The following NBPF15 variants were observed in gnomAD, a reference collection of about 807,000 sequenced individuals.
NBPF15 encodes NBPF member 15.
Under a neutral mutation model 62.2 loss-of-function variants are expected in NBPF15, and 74 were observed. The observed-to-expected ratio is 1.19, with a 90% CI of 0.99 to 1.44. The LOEUF is 1.44. Ranked by LOEUF, NBPF15 falls within the 40% of genes most tolerant of loss-of-function variation. The pLI is 0.00. For missense variants in NBPF15, 790 were observed against 550.0 expected (o/e 1.44, Z -4.36); for synonymous variants, 244 against 209.7 (o/e 1.16, Z -1.41).
chr1:144,434,327 C>A (rs1194985224), intron 12 of NBPF15, among the ~76,000 whole-genome samples: 15 of 139,312 alleles, frequency 1.1e-4, no homozygotes, highest in African/African-American at 3.4e-4. Flanking sequence ...ATGGGGAAAC[C>A]CTGTCTCTAC....
At chr1:144,458,109 C>T (rs1321764148) in intron 3 of NBPF15, among the ~76,000 whole-genome samples, 4 of 151,746 alleles carry the variant, frequency 2.6e-5, no homozygotes, top group Non-Finnish European at 5.9e-5. Flanking sequence ...AAAAATTGTT[C>T]GATGTAGTCC....
At chr1:144,439,509 A>T (rs1681260662) in intron 8 of NBPF15, among the ~76,000 whole-genome samples, 1 of 152,048 alleles carries the variant, frequency 6.6e-6, no homozygotes, top group African/African-American at 2.4e-5. Flanking sequence ...TGTCTGCAGG[A>T]TCTTATATGG....
chr1:144,436,142 C>G (rs1489912143), intron 10 of NBPF15, among the ~76,000 whole-genome samples: 3,515 of 152,136 alleles, frequency 0.023, 92 homozygotes, highest in Middle Eastern at 0.065. Context: ...TGGCAGCTGT[C>G]TCCCCCATCC....
intron 3 of NBPF15, among the ~76,000 whole-genome samples, chr1:144,457,166 A>T: frequency 6.6e-6 from 1 of 152,100 alleles, no homozygotes; most frequent in Admixed American, 6.5e-5. Context: ...AAAAAAAAAT[A>T]AAGAGTCCTG....
intron 12 of NBPF15, among the ~76,000 whole-genome samples, chr1:144,434,861 G>C (rs1182162779): frequency 6.6e-6 from 1 of 151,980 alleles, no homozygotes; most frequent in Non-Finnish European, 1.5e-5. Context: ...GACAGATATG[G>C]CCTGTGCACC....
chr1:144,428,083 T>C, intron 15 of NBPF15, 93 bp from the exon 16 acceptor site: 1 of 755,916 alleles, frequency 1.3e-6, no homozygotes, highest in South Asian at 1.4e-5. Flanking sequence ...AGGAAGAGTT[T>C]GAAAAGAAAA....
In NBPF15 at chr1:144,461,373, G is replaced by A. The variant is rs1171011374; in HGVS notation, c.-938+8C>T. On this transcript the variant is annotated splice_region_variant and intron_variant, in intron 1 of 21. Coordinates refer to ENST00000581897, the MANE Select transcript of NBPF15 (RefSeq NM_001385408.1). ...ACCCAGCTGTGTACCCGCGGGTCCC[G>A]GACTCACCGCCCGCCCGGCCTGGCG... 1.3e-5 allele frequency: 2 copies of A among 149,112 alleles called. No homozygotes were observed. The highest frequency in any genetic ancestry group is 3.0e-5 in the Non-Finnish European group (2 of 67,362). The allele number at this position is 149,112 out of a possible 1,614,324, so 9.2% of individuals were successfully genotyped here. A position where few individuals can be genotyped will look rare whatever the true frequency, so the allele number is the denominator to read the frequency against.
chr1:144,455,933 C>A (rs1190238195), intron 4 of NBPF15, among the ~76,000 whole-genome samples: 1 of 152,074 alleles, frequency 6.6e-6, no homozygotes, highest in Non-Finnish European at 1.5e-5. Context: ...AAGAATTCCA[C>A]TGTGGCCCAT....
chr1:144,452,531 C>G (rs1490516223), intron 4 of NBPF15, among the ~76,000 whole-genome samples: 4 of 151,482 alleles, frequency 2.6e-5, no homozygotes, highest in South Asian at 2.1e-4. Flanking sequence ...TGACTACAAA[C>G]AGGTTCAAGG....
At chr1:144,445,743 T>G (rs370228097) in intron 6 of NBPF15, among the ~76,000 whole-genome samples, 14 of 151,698 alleles carry the variant, frequency 9.2e-5, no homozygotes, top group South Asian at 4.2e-4. Flanking sequence ...ACAACTCTTC[T>G]GATCCATGAC....
At chr1:144,435,510 G>A (rs1211816568) in intron 11 of NBPF15, among the ~76,000 whole-genome samples, 194 bp from the exon 12 acceptor site, 141 of 151,768 alleles carry the variant, frequency 9.3e-4, no homozygotes, top group Non-Finnish European at 1.6e-3. Flanking sequence ...AACCAGAGAG[G>A]AAGAGAGCAG....
chr1:144,439,942 T>C lies in NBPF15; in HGVS notation c.62A>G (p.Asn21Ser), dbSNP rs1272951499. Residue 21 changes from asparagine (N) to serine (S), a missense_variant, in exon 8 of 22, where the codon AAT becomes AGT. Asn to Ser is a conservative substitution (Grantham distance 46, BLOSUM62 1). Coordinates refer to ENST00000581897, the MANE Select transcript of NBPF15 (RefSeq NM_001385408.1). The stretch of plus-strand genomic sequence containing the variant: ...TGCCAACTGGGGGCGCAATTTCTCA[T>C]TGATTTCTAGAATGTTCATCTCTGC... ...EKAEMNILEI[N>S]EKLRPQLAEK... is the part of the protein sequence containing the mutation. The C allele has an allele frequency of 3.7e-6, 6 of 1,611,070 alleles. No homozygotes were observed. The highest frequency in any genetic ancestry group is 2.2e-5 in the East Asian group (1 of 44,874).
chr1:144,434,657 G>A (rs1676890838), intron 12 of NBPF15, among the ~76,000 whole-genome samples: 1 of 151,450 alleles, frequency 6.6e-6, no homozygotes, highest in African/African-American at 2.4e-5. Context: ...GGGTGACTGT[G>A]CAGCTAAGCA....
In NBPF15 at chr1:144,456,636, C is replaced by T. The variant is rs1648070407; in HGVS notation, c.-531G>A. On this transcript the variant is annotated 5_prime_UTR_variant, in exon 4 of 22. In the 5' UTR this introduces an upstream ATG that the reference lacks. Transcript: ENST00000581897. ...CTACATCAGTACCTCGGAGAGTCCA[C>T]TGGAAGCCCTGGACAGTGGGAGTTG... 23 of 1,487,248 alleles carry T rather than the reference C, an allele frequency of 1.5e-5. No homozygotes were observed. The highest frequency in any genetic ancestry group is 2.1e-5 in the Non-Finnish European group (23 of 1,112,780). The allele number at this position is 1,487,248 out of a possible 1,614,324, so 92.1% of individuals were successfully genotyped here.
intron 16 of NBPF15, among the ~76,000 whole-genome samples, 183 bp from the exon 17 acceptor site, chr1:144,427,281 G>A (rs1300056559): frequency 7.0e-6 from 1 of 143,396 alleles, no homozygotes; most frequent in African/African-American, 2.7e-5. Flanking sequence ...TTTTGTCCCA[G>A]AAACTGTGGG....
intron 7 of NBPF15, 44 bp from the exon 8 acceptor site, chr1:144,440,082 G>A (rs1383045028): frequency 3.2e-6 from 5 of 1,573,428 alleles, no homozygotes; most frequent in Non-Finnish European, 4.4e-6. Flanking sequence ...AAAAACTGGT[G>A]AAATCAAATA....
Position 144,435,024 on chromosome 1 carries a change from A to G in NBPF15, c.772+87T>C, listed in dbSNP as rs587597805. 3.0e-3 allele frequency: 4,756 copies of G among 1,610,054 alleles called. 146 individuals are homozygous for G. The African/African-American group carries it at 0.053, about 18-fold the overall frequency. ...AAACCCATCACAGTTTTTTATTCAA[A>G]TGAATTTGTGTTGATAGAGCCTGTC... On this transcript the variant is annotated intron_variant, in intron 12 of 21. Coordinates refer to ENST00000581897, the MANE Select transcript of NBPF15 (RefSeq NM_001385408.1).
chr1:144,426,720 A>C (rs1553539331), intron 17 of NBPF15, among the ~76,000 whole-genome samples: 1 of 151,782 alleles, frequency 6.6e-6, no homozygotes. Flanking sequence ...GGGTCAAAGG[A>C]CACTCTGAGT....
Position 144,440,254 on chromosome 1 carries a change from A to T in NBPF15, c.-149T>A, listed in dbSNP as rs1264076161. 6.6e-7 allele frequency: 1 copy of T among 1,513,680 alleles called. No individual in the cohort carries two copies. The highest frequency in any genetic ancestry group is 8.9e-7 in the Non-Finnish European group (1 of 1,128,744). The allele number at this position is 1,513,680 out of a possible 1,614,324, so 93.8% of individuals were successfully genotyped here. On this transcript the variant is annotated 5_prime_UTR_variant, in exon 7 of 22. It introduces an in-frame stop codon into an upstream open reading frame of the 5' UTR. Transcript: ENST00000581897. Reference sequence around the variant, plus strand: ...AGCACTGTCAGTAGCGCAGACTCTGATAAGAGTGAGGTAGATTGTGGCCAG... The same window carrying T: ...AGCACTGTCAGTAGCGCAGACTCTGTTAAGAGTGAGGTAGATTGTGGCCAG...
Sources: allele counts gnomAD v4.1 joint callset (sites outside exome capture counted in the v4.1 genomes callset), GRCh38; gene constraint gnomAD v4.1.1; transcripts MANE v1.5; gene names NCBI Gene and HGNC (gene_info 2026-07-23, HGNC 2026-07-21).